DAPK1: variants seen among roughly 807,000 people sequenced by gnomAD.
The protein encoded by DAPK1 is death associated protein kinase 1, also known as death-associated protein kinase 1.
A neutral mutation model predicts 144.9 loss-of-function variants in DAPK1; 56 were observed. The observed-to-expected ratio is 0.39, with a 90% CI of 0.31 to 0.48. The LOEUF (loss-of-function observed/expected upper bound fraction) is 0.48. Among genes scored for constraint, DAPK1 ranks in the 20% least tolerant of loss-of-function variants. The pLI, the probability that DAPK1 is intolerant of heterozygous loss-of-function variation, is 0.95. For synonymous variants in DAPK1, 690 were observed against 749.0 expected, an observed-to-expected ratio of 0.92 and a Z score of 1.29; for missense variants, 1,454 against 1,875.4, an observed-to-expected ratio of 0.78 and a Z score of 4.15.
chr9:87,559,468 G>A (rs925853609), intron 2 of DAPK1, among the ~76,000 whole-genome samples: 1 of 141,534 alleles, frequency 7.1e-6, no homozygotes, highest in African/African-American at 2.5e-5. Context: ...TGGGACTAGT[G>A]TTTCCAAAAA....
chr9:87,554,807 C>T (rs1045930824), intron 2 of DAPK1, among the ~76,000 whole-genome samples: 5 of 152,164 alleles, frequency 3.3e-5, no homozygotes, highest in African/African-American at 1.2e-4. Context: ...GTAGCCATTT[C>T]CCCCACCCCC....
At chr9:87,579,582 C>G (rs1827681115) in intron 2 of DAPK1, among the ~76,000 whole-genome samples, 1 of 152,068 alleles carries the variant, frequency 6.6e-6, no homozygotes, top group African/African-American at 2.4e-5. Flanking sequence ...CAGAGGCACC[C>G]AGAACTGAGC....
At chr9:87,550,436 G>A (rs923302349) in intron 2 of DAPK1, among the ~76,000 whole-genome samples, 9 of 152,360 alleles carry the variant, frequency 5.9e-5, no homozygotes, top group African/African-American at 2.2e-4. Flanking sequence ...GTGTCATTTA[G>A]AATGTGTTCC....
intron 2 of DAPK1, among the ~76,000 whole-genome samples, chr9:87,596,856 T>A (rs1828335763): frequency 6.6e-6 from 1 of 152,164 alleles, no homozygotes; most frequent in Admixed American, 6.5e-5. Context: ...TCTTAACTCT[T>A]GTGCTTCTGT....
At chr9:87,666,092 AG>A (rs1831041811) in intron 18 of DAPK1, among the ~76,000 whole-genome samples, 1 of 152,214 alleles carries the variant, frequency 6.6e-6, no homozygotes, top group African/African-American at 2.4e-5. Context: ...ACAGAAGGCC[AG>A]GTAGTTAGGG....
chr9:87,651,440 C>G (rs776468382), intron 16 of DAPK1, 87 bp from the exon 17 acceptor site: 3 of 1,333,678 alleles, frequency 2.2e-6, no homozygotes, highest in Non-Finnish European at 2.1e-6. Flanking sequence ...CCAATTAAAC[C>G]TCACTCGATG....
intron 2 of DAPK1, among the ~76,000 whole-genome samples, chr9:87,573,156 C>G (rs1455536644): frequency 6.6e-6 from 1 of 152,218 alleles, no homozygotes; most frequent in Non-Finnish European, 1.5e-5. Flanking sequence ...TGTTAAATGG[C>G]TCTGACTGCA....
chr9:87,508,559 G>A (rs889056806), intron 2 of DAPK1, among the ~76,000 whole-genome samples: 2 of 151,472 alleles, frequency 1.3e-5, no homozygotes, highest in African/African-American at 2.4e-5. Flanking sequence ...AGCCAGGATG[G>A]TCTCTATCTC....
intron 17 of DAPK1, among the ~76,000 whole-genome samples, chr9:87,652,360 C>T (rs1366104119): frequency 2.2e-5 from 2 of 90,954 alleles, no homozygotes; most frequent in Non-Finnish European, 4.4e-5. Context: ...GATTCTGTGT[C>T]CTCCCACCTG....
chr9:87,518,055 G>A (rs1263927657), intron 2 of DAPK1, among the ~76,000 whole-genome samples: 1 of 150,056 alleles, frequency 6.7e-6, no homozygotes, highest in Non-Finnish European at 1.5e-5. Flanking sequence ...CTGAACCTGC[G>A]TTTTTACAGC....
At chr9:87,615,872 T>C (rs904369258) in intron 3 of DAPK1, among the ~76,000 whole-genome samples, 1 of 152,256 alleles carries the variant, frequency 6.6e-6, no homozygotes, top group Non-Finnish European at 1.5e-5. Flanking sequence ...CAGTAGCCTC[T>C]TGGAGAGAGA....
At position 87,706,183 on chromosome 9, in the gene DAPK1, C is replaced by T. The variant is rs749210054; in HGVS notation, c.3112C>T (p.Arg1038Cys). ...TCAGGACGTGCTGCTCCTGGACCCC[C>T]GCTGGCTCTGCACAAACGTCCTGGG... ...TVQDVLLLDP[R>C]WLCTNVLGKL... Residue 1038 changes from arginine to cysteine, a missense_variant, in exon 26 of 26, where the codon CGC becomes TGC. Coordinates refer to ENST00000408954, the MANE Select transcript of DAPK1 (RefSeq NM_004938.4). This position sits in a 1 kb window ranked among gnomAD's most constrained non-coding sequence, Gnocchi z 9.0. 19 of 1,610,714 alleles carry T rather than the reference C, an allele frequency of 1.2e-5. No homozygotes were observed. The highest frequency in any genetic ancestry group is 3.3e-5 in the South Asian group (3 of 90,966).
At chr9:87,698,876 G>T in intron 23 of DAPK1, 82 bp downstream of exon 23, 1 of 825,946 alleles carries the variant, frequency 1.2e-6, no homozygotes, top group Admixed American at 2.1e-5. Flanking sequence ...AAAGTACAAA[G>T]GAAGTCTCAT....
At chr9:87,507,143 A>G (rs1824631774) in intron 2 of DAPK1, 1 of 152,238 alleles carries the variant, frequency 6.6e-6, no homozygotes, top group Non-Finnish European at 1.5e-5. Context: ...GGTGACATTG[A>G]CAGCTGGTGT....
intron 3 of DAPK1, among the ~76,000 whole-genome samples, chr9:87,629,451 A>G (rs904023195): frequency 6.6e-6 from 1 of 152,154 alleles, no homozygotes; most frequent in Non-Finnish European, 1.5e-5. Flanking sequence ...AAGCCACCCA[A>G]TTTGTGCTAC....
intron 19 of DAPK1, among the ~76,000 whole-genome samples, chr9:87,674,392 G>A (rs1824284185): frequency 6.6e-6 from 1 of 151,846 alleles, no homozygotes; most frequent in African/African-American, 2.4e-5. Flanking sequence ...GTGTGTGCCT[G>A]TAGTCCCAGC....
chr9:87,585,616 A>T (rs1238458270), intron 2 of DAPK1, among the ~76,000 whole-genome samples: 1 of 152,264 alleles, frequency 6.6e-6, no homozygotes, highest in African/African-American at 2.4e-5. Flanking sequence ...CCAATGATTA[A>T]TGTGCTGACT....
chr9:87,576,219 T>TTTGTGC (rs1463883420), intron 2 of DAPK1, among the ~76,000 whole-genome samples: 1 of 152,028 alleles, frequency 6.6e-6, no homozygotes, highest in Non-Finnish European at 1.5e-5. Context: ...CGGGTCAGAG[T>TTTGTGC]TAATGAAAAT....
rs573500590 is a variant in DAPK1 at position 87,624,809 on chromosome 9, C to T, written c.285-13134C>T. Among the ~76,000 whole-genome samples, 12 of 152,338 alleles carry T rather than the reference C, an allele frequency of 7.9e-5. No homozygotes were observed. The South Asian group carries it at 2.1e-3, about 26-fold the overall frequency. On this transcript the variant is annotated intron_variant, in intron 3 of 25. Transcript: ENST00000408954. ...TAGCGAAGCGAATTCTATAAGCATT[C>T]CTAAATCACCTTTATTTGGAATTGA... is the stretch of plus-strand genomic sequence containing the variant.
Sources: gnomAD v4.1 joint callset for allele counts (sites outside exome capture counted in the v4.1 genomes callset) on GRCh38, gnomAD v4.1.1 for gene constraint, Gnocchi (gnomAD v3.1) non-coding constraint, MANE v1.5 for transcripts, NCBI Gene and HGNC (gene_info 2026-07-23, HGNC 2026-07-21) for gene names.